SEC16A: variants seen among roughly 807,000 people sequenced by gnomAD.
SEC16A encodes protein transport protein Sec16A.
A neutral mutation model predicts 221.9 loss-of-function variants in SEC16A; 110 were observed. That is an observed-to-expected ratio of 0.50 (90% CI 0.42 to 0.58). The LOEUF (loss-of-function observed/expected upper bound fraction) is 0.58, where lower values mean the gene tolerates loss of function less well. Ranked by LOEUF, SEC16A falls within the 20% of genes least tolerant of loss-of-function variation. SEC16A has a pLI of 0.00. For synonymous variants in SEC16A, 1,393 were observed against 1,257.7 expected (o/e 1.11, Z -2.28); for missense variants, 3,165 against 3,097.8 (o/e 1.02, Z -0.52).
At chr9:136,453,764 G>C (rs1331915102) in intron 21 of SEC16A, among the ~76,000 whole-genome samples, 3 of 152,158 alleles carry the variant, frequency 2.0e-5, no homozygotes, top group African/African-American at 2.4e-5. Context: ...CCACCAAATC[G>C]AGTTCCAGAC....
chr9:136,459,637 C>T lies in SEC16A; in HGVS notation c.5192-82G>A. The T allele has an allele frequency of 7.4e-7, 1 of 1,352,482 alleles. No homozygotes were observed. Among genetic ancestry groups the T allele is most frequent in the East Asian group, 2.5e-5 (1 of 40,046 alleles). The allele number at this position is 1,352,482 out of a possible 1,614,324, so 83.8% of individuals were successfully genotyped here. A position where few individuals can be genotyped will look rare whatever the true frequency, so the allele number is the denominator to read the frequency against. ...AAGTCAAGGACGCGCACAGAAGGCA[C>T]CAGAGACGCCAGCCGGACCGAGAAG... is the stretch of plus-strand genomic sequence containing the variant. On this transcript the variant is annotated intron_variant, in intron 15 of 31. Coordinates refer to ENST00000684901, the MANE Select transcript of SEC16A (RefSeq NM_014866.2). The surrounding 1 kb of genome is among the most constrained non-coding windows in gnomAD (Gnocchi z 6.1).
intron 22 of SEC16A, among the ~76,000 whole-genome samples, chr9:136,451,920 G>T (rs1454616158): frequency 6.6e-6 from 1 of 152,194 alleles, no homozygotes; most frequent in Non-Finnish European, 1.5e-5. Flanking sequence ...CTACTGATGG[G>T]ATGCCCGTGA....
rs762718838 is a variant in SEC16A, at chr9:136,477,183, C to T, written c.433G>A (p.Gly145Ser). The T allele has an allele frequency of 1.1e-5, 17 of 1,613,806 alleles. No homozygotes were observed. The East Asian group carries it at 1.6e-4, about 15-fold the overall frequency. The change falls in exon 3 of 32, where the codon GGT becomes AGT. Residue 145 changes from glycine to serine, a missense_variant. Transcript: ENST00000684901. ...GPEMNRSAEV[G>S]PSSEPEVQTL... Reference sequence around the variant, plus strand: ...TGAACTTCAGGCTCTGAACTGGGACCGACCTCTGCACTCCTGTTCATCTCA... The same window carrying T: ...TGAACTTCAGGCTCTGAACTGGGACTGACCTCTGCACTCCTGTTCATCTCA...
At chr9:136,468,025 G>A (rs867339813) in intron 5 of SEC16A, among the ~76,000 whole-genome samples, 7 of 152,226 alleles carry the variant, frequency 4.6e-5, no homozygotes, top group East Asian at 1.9e-4. Flanking sequence ...TCAGGAGTGC[G>A]GGAAACACGG....
In SEC16A at chr9:136,466,447, G is replaced by A. The variant is rs1840171655; in HGVS notation, c.3945C>T (p.Asp1315=). 1.2e-6 allele frequency: 2 copies of A among 1,606,098 alleles called. No individual in the cohort carries two copies. The highest frequency in any genetic ancestry group is 2.7e-5 in the African/African-American group (2 of 74,852). The part of the protein sequence containing the change: ...SAFGDRPEKR[D]NNWRYDPRFT... ...AGCGAGGATCGTACCTCCAGTTGTT[G>A]TCACGTTTCTCGGGCCTAGAGGAAG... Residue 1315 remains aspartate (D), a synonymous_variant, in exon 7 of 32, where the codon GAC becomes GAT. Transcript: ENST00000684901. The surrounding 1 kb of genome is among the most constrained non-coding windows in gnomAD (Gnocchi z 5.5).
In SEC16A at chr9:136,477,627, T is replaced by C. The variant is rs1315202137; in HGVS notation, c.-12A>G. ...GGCGGTGGCTGCATGACTGAACCCTTGCACAAGTCGATGCTGCTTACAGAA... is the reference window on the plus strand; with the variant it reads ...GGCGGTGGCTGCATGACTGAACCCTCGCACAAGTCGATGCTGCTTACAGAA... On this transcript the variant is annotated 5_prime_UTR_variant, in exon 3 of 32. Transcript: ENST00000684901. 6 of 1,591,230 alleles carry C rather than the reference T, an allele frequency of 3.8e-6. No homozygotes were observed. In the South Asian group the frequency reaches 4.5e-5, roughly 12 times the overall value.
In SEC16A at chr9:136,460,104, T is replaced by C. The variant is rs1161002835; in HGVS notation, c.5011A>G (p.Ile1671Val). 7 of 1,607,240 alleles carry C rather than the reference T, an allele frequency of 4.4e-6. No individual in the cohort carries two copies. Among genetic ancestry groups the C allele is most frequent in the East Asian group, 4.5e-5 (2 of 44,624 alleles). Residue 1671 changes from isoleucine to valine, a missense_variant, in exon 14 of 32, where the codon ATC becomes GTC. Coordinates refer to ENST00000684901, the MANE Select transcript of SEC16A (RefSeq NM_014866.2). ...VMTRFANSLP[I>V]NDPLQTVYQL... is the part of the protein sequence containing the mutation. Reference sequence around the variant, plus strand: ...TAGACTGTCTGCAGAGGGTCGTTGATTGGGAGGCTGTTAGCAAACCTAGGC... The same window carrying C: ...TAGACTGTCTGCAGAGGGTCGTTGACTGGGAGGCTGTTAGCAAACCTAGGC...
At position 136,446,883 on chromosome 9, in the gene SEC16A, G is replaced by C. The variant is rs1233388908; in HGVS notation, c.6764C>G (p.Ala2255Gly). Residue 2255 changes from alanine to glycine, a missense_variant, in exon 28 of 32, where the codon GCC becomes GGC. Around this residue, in one of 3 missense-constraint regions of SEC16A, gnomAD observed 1,088 missense variants for 1,089.6 expected, o/e 1.00. Transcript: ENST00000684901. ...GGGCTCTGGGGCAGGCTCTGGATTG[G>C]CCAGGCCCCTAGCTGCTGCAGGCCC... is the stretch of plus-strand genomic sequence containing the variant. ...REGPAAARGL[A>G]NPEPAPEPKV... The C allele has an allele frequency of 3.7e-6, 6 of 1,612,402 alleles. No homozygotes were observed. Among genetic ancestry groups the C allele is most frequent in the Non-Finnish European group, 5.1e-6 (6 of 1,179,448 alleles).
chr9:136,471,196 G>C (rs1403416369), intron 4 of SEC16A, among the ~76,000 whole-genome samples: 1 of 152,100 alleles, frequency 6.6e-6, no homozygotes, highest in South Asian at 2.1e-4. Context: ...GCCGGGCGCA[G>C]TGGCTAATGC....
intron 29 of SEC16A, 77 bp downstream of exon 29, chr9:136,445,568 T>A: frequency 9.0e-7 from 1 of 1,117,198 alleles, no homozygotes; most frequent in Non-Finnish European, 1.3e-6. Context: ...CGCCCCTCCA[T>A]AAAGGAAGAG....
chr9:136,447,641 T>C lies in SEC16A; in HGVS notation c.6487A>G (p.Thr2163Ala). 1 of 1,613,624 alleles carries C rather than the reference T, an allele frequency of 6.2e-7. No individual in the cohort carries two copies. Among genetic ancestry groups the C allele is most frequent in the East Asian group, 2.2e-5 (1 of 44,880 alleles). ...PPPPPTSMPK[T>A]VQAAPPALPG... ...AGGGCAGGCGGGGCAGCTTGCACAG[T>C]CTTGGGCATCGAGGTTGGAGGTGGG... Residue 2163 changes from threonine to alanine, a missense_variant, in exon 26 of 32, where the codon ACT (threonine) becomes GCT (alanine). Thr to Ala is a moderately conservative substitution (Grantham distance 58, BLOSUM62 0). Transcript: ENST00000684901. This position sits in a 1 kb window ranked among gnomAD's most constrained non-coding sequence, Gnocchi z 5.5.
rs750745469 is a variant in SEC16A at position 136,476,857 on chromosome 9, C to CATCAGGGGT, written c.758_759insACCCCTGAT (p.Pro253_Ser254insProLeuMet). On this transcript the variant is annotated inframe_insertion, in exon 3 of 32. Coordinates refer to ENST00000684901, the MANE Select transcript of SEC16A (RefSeq NM_014866.2). ...GACCAGGGCCCTGATGTAGGATGGA[C>CATCAGGGGT]GGGGTGGGGAAATGAGGAACGCTGG... 5 of 1,610,024 alleles carry CATCAGGGGT rather than the reference C, an allele frequency of 3.1e-6. No individual in the cohort carries two copies. The African/African-American group carries it at 5.3e-5, about 17-fold the overall frequency.
chr9:136,472,238 C>T, intron 3 of SEC16A, 127 bp from the exon 4 acceptor site: 3 of 1,074,388 alleles, frequency 2.8e-6, no homozygotes, highest in Non-Finnish European at 4.1e-6. Context: ...CAAGCTCGTC[C>T]AACAACCAGC....
chr9:136,447,160 T>A lies in SEC16A; in HGVS notation c.6697+67A>T. Reference sequence around the variant, plus strand: ...TAACGGGAGATTTAGGAGAGACTCATAGAAAGAGGATCAAAGGTCAGGAGA... The same window carrying A: ...TAACGGGAGATTTAGGAGAGACTCAAAGAAAGAGGATCAAAGGTCAGGAGA... On this transcript the variant is annotated intron_variant, in intron 27 of 31. Transcript: ENST00000684901. This position sits in a 1 kb window ranked among gnomAD's most constrained non-coding sequence, Gnocchi z 5.5. 1 of 1,546,876 alleles carries A rather than the reference T, an allele frequency of 6.5e-7. No individual in the cohort carries two copies. Among genetic ancestry groups the A allele is most frequent in the South Asian group, 1.2e-5 (1 of 84,152 alleles).
chr9:136,458,526 G>A (rs1226599688), intron 17 of SEC16A, among the ~76,000 whole-genome samples: 1 of 152,034 alleles, frequency 6.6e-6, no homozygotes, highest in Non-Finnish European at 1.5e-5. Flanking sequence ...TACTCGGGAG[G>A]CTGAGGAAGG....
intron 31 of SEC16A, among the ~76,000 whole-genome samples, chr9:136,443,578 G>C (rs1307076322): frequency 2.0e-5 from 3 of 152,236 alleles, no homozygotes; most frequent in Non-Finnish European, 4.4e-5. Flanking sequence ...CTACTCAGGA[G>C]GCTGAGGCAG....
Position 136,476,730 on chromosome 9 carries a change from A to C in SEC16A, c.886T>G (p.Ser296Ala). Reference protein sequence around the residue: ...LQSGSHLANNSDPESTFRQNP... With the variant: ...LQSGSHLANNADPESTFRQNP... ...TGCCTGAATGTACTTTCAGGATCAG[A>C]GTTATTGGCCAGGTGGCTTCCACTT... Residue 296 changes from serine to alanine, a missense_variant, in exon 3 of 32, where the codon TCT becomes GCT. This residue lies in a region of SEC16A where 2,030 missense variants were observed against 1,923.1 expected (regional missense o/e 1.06). Transcript: ENST00000684901. 6.2e-7 allele frequency: 1 copy of C among 1,603,748 alleles called. No individual in the cohort carries two copies. The highest frequency in any genetic ancestry group is 8.5e-7 in the Non-Finnish European group (1 of 1,173,654).
chr9:136,453,639 C>T, intron 21 of SEC16A, 129 bp from the exon 22 acceptor site: 1 of 702,174 alleles, frequency 1.4e-6, no homozygotes, highest in South Asian at 1.6e-5. Context: ...CTGCAGAAAC[C>T]AAGGCTGAAC....
In SEC16A at chr9:136,474,720, A is replaced by C. The variant is rs1194980952; in HGVS notation, c.2896T>G (p.Leu966Val). ...NSPAGSTSVV[L>V]VPPAHGTLVP... ...AGGGTGCCGTGTGCAGGTGGAACTA[A>C]CACCACACTTGTGCTTCCAGCAGGG... Residue 966 changes from leucine to valine, a missense_variant, in exon 3 of 32, where the codon TTA becomes GTA. Leu to Val is a conservative substitution (Grantham distance 32, BLOSUM62 1). Around this residue, in one of 3 missense-constraint regions of SEC16A, gnomAD observed 2,030 missense variants for 1,923.1 expected, o/e 1.06. Transcript: ENST00000684901. 4 of 1,613,876 alleles carry C rather than the reference A, an allele frequency of 2.5e-6. No homozygotes were observed. The highest frequency in any genetic ancestry group is 3.4e-6 in the Non-Finnish European group (4 of 1,179,898).
Sources: gnomAD v4.1 joint callset for allele counts (sites outside exome capture counted in the v4.1 genomes callset) on GRCh38, gnomAD v4.1.1 for gene constraint, gnomAD v4.1.1 regional missense constraint, Gnocchi (gnomAD v3.1) non-coding constraint, MANE v1.5 for transcripts, NCBI Gene and HGNC (gene_info 2026-07-23, HGNC 2026-07-21) for gene names.